The following DAPK1 variants were observed in gnomAD, a reference collection of about 807,000 sequenced individuals.
DAPK1 encodes the protein death-associated protein kinase 1.
In DAPK1, 56 loss-of-function variants were observed where a neutral mutation model predicts 144.9. The ratio of observed to expected loss-of-function variants is 0.39; its 90% CI spans 0.31 to 0.48. The LOEUF (loss-of-function observed/expected upper bound fraction) is 0.48, where lower values mean the gene tolerates loss of function less well. Among genes scored for constraint, DAPK1 ranks in the 20% least tolerant of loss-of-function variants. The pLI is 0.95. For missense variants in DAPK1, 1,454 were observed against 1,875.4 expected (o/e 0.78, Z 4.15); for synonymous variants, 690 against 749.0 (o/e 0.92, Z 1.29).
rs144784931 is a variant in DAPK1, at chr9:87,625,266, C to G, written c.285-12677C>G. On this transcript the variant is annotated intron_variant, in intron 3 of 25. Transcript: ENST00000408954. ...ACTAAGAGTTGTCCATCAGCAGGAA[C>G]AGCAGCTTTCAGCTGAAGGCCATAC... Among the ~76,000 whole-genome samples, 333 of 152,332 alleles carry G rather than the reference C, an allele frequency of 2.2e-3. 2 individuals carry two copies. The highest frequency in any genetic ancestry group is 7.5e-3 in the African/African-American group (312 of 41,568).
Position 87,635,027 on chromosome 9 carries a change from G to A in DAPK1, c.285-2916G>A, listed in dbSNP as rs1054118706. On this transcript the variant is annotated intron_variant, in intron 3 of 25. Transcript: ENST00000408954. ...TGATGTTACCCTTTATTTTATAGAA[G>A]GGGAGTCAGAGGCTCAGCAAGGTTG... is the stretch of plus-strand genomic sequence containing the variant. Among the ~76,000 whole-genome samples, 3 of 152,124 alleles carry A rather than the reference G, an allele frequency of 2.0e-5. No individual in the cohort carries two copies. In the East Asian group the frequency reaches 5.8e-4, roughly 29 times the overall value.
At chr9:87,623,315 C>G (rs1373519024) in intron 3 of DAPK1, among the ~76,000 whole-genome samples, 1 of 152,196 alleles carries the variant, frequency 6.6e-6, no homozygotes, top group Non-Finnish European at 1.5e-5. Flanking sequence ...TAAAAATCTT[C>G]CTTTTCCACA....
intron 2 of DAPK1, among the ~76,000 whole-genome samples, chr9:87,551,450 A>C (rs1826482063): frequency 6.6e-6 from 1 of 152,078 alleles, no homozygotes. Context: ...GCAGCCTGTT[A>C]ATTTAGATTT....
At chr9:87,508,699 A>G (rs1431219563) in intron 2 of DAPK1, among the ~76,000 whole-genome samples, 1 of 152,202 alleles carries the variant, frequency 6.6e-6, no homozygotes, top group East Asian at 1.9e-4. Context: ...CCCACAGTAT[A>G]GAATTTTCCA....
intron 2 of DAPK1, among the ~76,000 whole-genome samples, chr9:87,508,638 G>A (rs920145647): frequency 6.6e-5 from 10 of 152,188 alleles, no homozygotes; most frequent in East Asian, 3.9e-4. Context: ...CACCGTGCCC[G>A]GCCACGATTG....
chr9:87,577,219 G>A (rs531991642), intron 2 of DAPK1, among the ~76,000 whole-genome samples: 10 of 152,082 alleles, frequency 6.6e-5, no homozygotes, highest in East Asian at 1.9e-4. Flanking sequence ...TTTCATCATC[G>A]CCTGGAAACT....
At chr9:87,602,703 G>A (rs1053459778) in intron 2 of DAPK1, among the ~76,000 whole-genome samples, 4 of 151,452 alleles carry the variant, frequency 2.6e-5, no homozygotes, top group Non-Finnish European at 2.9e-5. Flanking sequence ...GCACAATCTC[G>A]GCTCACTGCA....
chr9:87,546,434 T>A (rs1483131277), intron 2 of DAPK1, among the ~76,000 whole-genome samples: 1 of 152,034 alleles, frequency 6.6e-6, no homozygotes, highest in Non-Finnish European at 1.5e-5. Context: ...TGACCCTTGG[T>A]TGGTTAAGGC....
chr9:87,643,224 G>T (rs1830155300), intron 10 of DAPK1, 152 bp from the exon 11 acceptor site: 2 of 562,284 alleles, frequency 3.6e-6, no homozygotes, highest in African/African-American at 3.8e-5. Flanking sequence ...TGCCCACCCT[G>T]GGAGAGTGTG....
chr9:87,651,504 T>C (rs755790576), intron 16 of DAPK1, 23 bp from the exon 17 acceptor site: 65 of 1,613,122 alleles, frequency 4.0e-5, no homozygotes, highest in Non-Finnish European at 4.9e-5. Context: ...AAAGCTCTCA[T>C]GATCTCTGGG....
chr9:87,657,187 C>T (rs1471170266), intron 17 of DAPK1, among the ~76,000 whole-genome samples: 1 of 152,146 alleles, frequency 6.6e-6, no homozygotes, highest in Non-Finnish European at 1.5e-5. Flanking sequence ...ACTTAGTAAC[C>T]GCTTATGTCC....
At chr9:87,697,262 T>G in intron 22 of DAPK1, 58 bp downstream of exon 22, 2 of 800,822 alleles carry the variant, frequency 2.5e-6, no homozygotes, top group South Asian at 1.4e-5. Context: ...AGGAATCGCC[T>G]CCTCCTTCCA....
chr9:87,702,458 C>T (rs568254515), intron 24 of DAPK1, among the ~76,000 whole-genome samples: 1 of 152,290 alleles, frequency 6.6e-6, no homozygotes, highest in East Asian at 1.9e-4. Context: ...TGATGATACT[C>T]ATTCTCTTTT....
chr9:87,603,387 C>T (rs1307243383), intron 2 of DAPK1, among the ~76,000 whole-genome samples: 1 of 152,124 alleles, frequency 6.6e-6, no homozygotes, highest in African/African-American at 2.4e-5. Context: ...TGCTGGCATT[C>T]CAGTGTGATT....
intron 7 of DAPK1, 151 bp from the exon 8 acceptor site, chr9:87,640,147 C>T: frequency 1.2e-6 from 1 of 811,390 alleles, no homozygotes; most frequent in Admixed American, 3.1e-5. Context: ...GCATTTGCTC[C>T]TGACAGTTAA....
intron 3 of DAPK1, among the ~76,000 whole-genome samples, chr9:87,613,623 A>G (rs1829001473): frequency 6.6e-6 from 1 of 152,242 alleles, no homozygotes; most frequent in East Asian, 1.9e-4. Context: ...CAAGATCAGA[A>G]TCGCAAGAGC....
intron 3 of DAPK1, among the ~76,000 whole-genome samples, chr9:87,615,942 C>G (rs1428328626): frequency 6.6e-6 from 1 of 152,262 alleles, no homozygotes; most frequent in East Asian, 1.9e-4. Flanking sequence ...AGGATTTTGC[C>G]TGCAAGGCCC....
chr9:87,525,243 C>T (rs1304364588), intron 2 of DAPK1: 1 of 1,290,524 alleles, frequency 7.7e-7, no homozygotes, highest in Non-Finnish European at 1.1e-6. Flanking sequence ...CAGTGCTTAC[C>T]TAAAAAATGC....
Position 87,706,635 on chromosome 9 carries a change from C to G in DAPK1, c.3564C>G (p.Val1188=). The change falls in exon 26 of 26, where the codon GTC becomes GTG. Residue 1188 remains valine, a synonymous_variant. Coordinates refer to ENST00000408954, the MANE Select transcript of DAPK1 (RefSeq NM_004938.4). The surrounding 1 kb of genome is among the most constrained non-coding windows in gnomAD (Gnocchi z 9.0). ...GGGCCGAGCTGCTGGTGCTGCTGGT[C>G]AACCACGGCCAGGGCATTGAGGTCC... ...NRGAELLVLL[V]NHGQGIEVQV... is the part of the protein sequence containing the mutation. The G allele has an allele frequency of 6.2e-7, 1 of 1,612,894 alleles. No homozygotes were observed. Among genetic ancestry groups the G allele is most frequent in the Non-Finnish European group, 8.5e-7 (1 of 1,179,700 alleles).
Sources: gnomAD v4.1 joint callset for allele counts (sites outside exome capture counted in the v4.1 genomes callset) on GRCh38, gnomAD v4.1.1 for gene constraint, Gnocchi (gnomAD v3.1) non-coding constraint, MANE v1.5 for transcripts, NCBI Gene and HGNC (gene_info 2026-07-23, HGNC 2026-07-21) for gene names.